CELF2: variants seen among roughly 807,000 people sequenced by gnomAD.
CELF2 encodes CUGBP Elav-like family member 2.
A neutral mutation model predicts 62.6 loss-of-function variants in CELF2; 8 were observed. The observed-to-expected ratio is 0.13, with a 90% CI of 0.07 to 0.23. The LOEUF is 0.23. Ranked by LOEUF, CELF2 falls within the 10% of genes least tolerant of loss-of-function variation. CELF2 has a pLI of 1.00. For missense variants in CELF2, 333 were observed against 671.0 expected (o/e 0.50, Z 5.56); for synonymous variants, 258 against 250.0 (o/e 1.03, Z -0.30).
the CELF2 span, among the ~76,000 whole-genome samples, chr10:10,734,179 G>A: frequency 2.0e-5 from 3 of 151,644 alleles, no homozygotes; most frequent in South Asian, 2.1e-4. Context: ...AAGGTAATTC[G>A]GCCTTCCAGA....
At chr10:10,809,154 G>A (rs931798314) in intron 1 of CELF2, among the ~76,000 whole-genome samples, 2 of 152,072 alleles carry the variant, frequency 1.3e-5, no homozygotes, top group African/African-American at 2.4e-5. Context: ...TAGCTCACTC[G>A]TGCTTGTGCA....
chr10:10,870,119 T>C (rs2060643037), intron 1 of CELF2, among the ~76,000 whole-genome samples: 1 of 152,200 alleles, frequency 6.6e-6, no homozygotes, highest in South Asian at 2.1e-4. Context: ...GAAGCCACAA[T>C]GTTCATGTAT....
rs2080211795 is a variant in CELF2, at chr10:11,260,599, T to C, written c.538+2727T>C. 6.6e-6 allele frequency among the ~76,000 whole-genome samples: 1 copy of C among 151,590 alleles called. No individual in the cohort carries two copies. The highest frequency in any genetic ancestry group is 1.5e-5 in the Non-Finnish European group (1 of 67,972). On this transcript the variant is annotated intron_variant, in intron 5 of 12. Coordinates refer to ENST00000633077, the MANE Select transcript of CELF2 (RefSeq NM_001326342.2). The surrounding 1 kb of genome is among the most constrained non-coding windows in gnomAD (Gnocchi z 4.2). ...GGGGAGCAGTCTCATCAATATTTTA[T>C]GCAAACGCTGGCTCAGTGGAAAGAG... is the stretch of plus-strand genomic sequence containing the variant.
chr10:10,780,244 A>C, the CELF2 span, among the ~76,000 whole-genome samples: 1 of 152,166 alleles, frequency 6.6e-6, no homozygotes, highest in Non-Finnish European at 1.5e-5. Context: ...CCAACTAACC[A>C]TTTTATAGAG....
chr10:11,137,811 A>T (rs1471010111), intron 1 of CELF2, among the ~76,000 whole-genome samples: 2 of 152,210 alleles, frequency 1.3e-5, no homozygotes, highest in African/African-American at 4.8e-5. Context: ...ACTTTTAAAA[A>T]CAGAATTATC....
chr10:10,556,859 C>T, the CELF2 span, among the ~76,000 whole-genome samples: 168 of 149,010 alleles, frequency 1.1e-3, 4 homozygotes, highest in South Asian at 0.03. Flanking sequence ...TCATGTCCTT[C>T]GCCCACTTTT....
At chr10:11,234,920 T>C (rs2070552535) in intron 3 of CELF2, among the ~76,000 whole-genome samples, 2 of 152,164 alleles carry the variant, frequency 1.3e-5, no homozygotes, top group Admixed American at 6.5e-5. Context: ...TACGTCACTT[T>C]ACATTTTACT....
chr10:10,988,785 G>A (rs1197040799), intron 2 of CELF2, among the ~76,000 whole-genome samples: 1 of 152,026 alleles, frequency 6.6e-6, no homozygotes, highest in African/African-American at 2.4e-5. Flanking sequence ...CCGATAGTTG[G>A]GTAAGAGATG....
Position 11,156,344 on chromosome 10 carries a change from C to T in CELF2, c.75-9142C>T, listed in dbSNP as rs1352522641. 1.3e-5 allele frequency among the ~76,000 whole-genome samples: 2 copies of T among 152,094 alleles called. No individual in the cohort carries two copies. Among genetic ancestry groups the T allele is most frequent in the Non-Finnish European group, 2.9e-5 (2 of 68,016 alleles). On this transcript the variant is annotated intron_variant, in intron 1 of 12. Coordinates refer to ENST00000633077, the MANE Select transcript of CELF2 (RefSeq NM_001326342.2). This position sits in a 1 kb window ranked among gnomAD's most constrained non-coding sequence, Gnocchi z 4.3. ...ACTGCTTTGAAGACTTCTCGCGTGC[C>T]GTATTAAATCTATTCATTCAGTAAA...
At chr10:10,848,708 C>T (rs2059171297) in intron 1 of CELF2, among the ~76,000 whole-genome samples, 1 of 152,166 alleles carries the variant, frequency 6.6e-6, no homozygotes, top group Non-Finnish European at 1.5e-5. Context: ...CCTAGGCCAG[C>T]GTGGGAGATG....
At chr10:10,870,761 A>G (rs2060687305) in intron 1 of CELF2, among the ~76,000 whole-genome samples, 1 of 152,194 alleles carries the variant, frequency 6.6e-6, no homozygotes, top group Non-Finnish European at 1.5e-5. Context: ...TTCTGCGGTC[A>G]GGCATGAGTG....
intron 2 of CELF2, among the ~76,000 whole-genome samples, chr10:10,950,841 A>C (rs2048239455): frequency 6.6e-6 from 1 of 152,242 alleles, no homozygotes; most frequent in Non-Finnish European, 1.5e-5. Flanking sequence ...TCTTGCAAAA[A>C]GTGTGTCATC....
At chr10:10,813,734 G>A (rs1412205739) in intron 1 of CELF2, among the ~76,000 whole-genome samples, 3 of 152,208 alleles carry the variant, frequency 2.0e-5, no homozygotes, top group African/African-American at 7.2e-5. Flanking sequence ...TATTCCAAAT[G>A]GCTGTATTCC....
chr10:10,544,394 G>T, the CELF2 span, among the ~76,000 whole-genome samples: 1 of 152,206 alleles, frequency 6.6e-6, no homozygotes, highest in African/African-American at 2.4e-5. Flanking sequence ...GGTGAACCTG[G>T]GTTCTAGCCT....
intron 3 of CELF2, among the ~76,000 whole-genome samples, chr10:11,240,404 C>A (rs1173610149): frequency 6.6e-6 from 1 of 152,224 alleles, no homozygotes; most frequent in African/African-American, 2.4e-5. Context: ...CAATTAACGT[C>A]AGTGATTCAC....
At chr10:11,112,321 C>T (rs1262898685) in intron 1 of CELF2, among the ~76,000 whole-genome samples, 6 of 152,192 alleles carry the variant, frequency 3.9e-5, no homozygotes, top group African/African-American at 1.4e-4. Flanking sequence ...AGATCGCATT[C>T]GCTAGGGACA....
chr10:11,186,000 T>A (rs1335994344), intron 2 of CELF2, among the ~76,000 whole-genome samples: 1 of 152,218 alleles, frequency 6.6e-6, no homozygotes, highest in Non-Finnish European at 1.5e-5. Context: ...TAACTACAAA[T>A]TGAATTTCTT....
chr10:10,943,762 C>CTTTT lies in CELF2; in HGVS notation c.89+23769_89+23772dup, dbSNP rs200013481. Among the ~76,000 whole-genome samples the CTTTT allele has an allele frequency of 1.6e-5, 2 of 126,444 alleles. 1 individual carries two copies. The allele number at this position is 126,444 out of a possible 152,430, so 83.0% of individuals were successfully genotyped here. ...TATAGGCACACACCACTACTCCCAGCTTTTTTTTTGTTTTGTTTTTGGAGA... is the reference window on the plus strand; with the variant it reads ...TATAGGCACACACCACTACTCCCAGCTTTTTTTTTTTTTGTTTTGTTTTTGGAGA... On this transcript the variant is annotated intron_variant, in intron 2 of 13. Coordinates refer to the CELF2 transcript ENST00000636488.
the CELF2 span, among the ~76,000 whole-genome samples, chr10:10,762,010 G>T: frequency 0.32 from 47,421 of 149,106 alleles, 8,092 homozygotes; most frequent in East Asian, 0.52. Context: ...GAGCCCTGAC[G>T]TAGACTAAAA....
Sources: gnomAD v4.1 joint callset for allele counts (sites outside exome capture counted in the v4.1 genomes callset) on GRCh38, gnomAD v4.1.1 for gene constraint, Gnocchi (gnomAD v3.1) non-coding constraint, MANE v1.5 for transcripts, NCBI Gene and HGNC (gene_info 2026-07-23, HGNC 2026-07-21) for gene names.